Variants in UNC50 observed in about 807,000 individuals in gnomAD.
UNC50 encodes unc-50 inner nuclear membrane RNA binding protein, also known as protein unc-50 homolog.
In UNC50, 24 loss-of-function variants were observed where a neutral mutation model predicts 31.5. The observed-to-expected ratio is 0.76, with a 90% CI of 0.55 to 1.07. The LOEUF (loss-of-function observed/expected upper bound fraction) is 1.07, where lower values mean the gene tolerates loss of function less well. Among genes scored for constraint, UNC50 ranks in the 50% least tolerant of loss-of-function variants. The pLI is 0.00. For synonymous variants in UNC50, 118 were observed against 114.7 expected (o/e 1.03, Z -0.18); for missense variants, 245 against 304.2 (o/e 0.81, Z 1.45).
In UNC50 at chr2:98,608,668, T is replaced by A. The variant is rs571233345; in HGVS notation, c.-63T>A. The A allele has an allele frequency of 1.9e-6, 1 of 533,086 alleles. No individual in the cohort carries two copies. Among genetic ancestry groups the A allele is most frequent in the South Asian group, 2.0e-5 (1 of 49,626 alleles). 33.0% of individuals were successfully genotyped at this position (533,086 alleles called of 1,614,324 possible). The stretch of plus-strand genomic sequence containing the variant: ...CCGCCCGGTGGCGGCTGGGGTCGGC[T>A]GCTGGGAGGAGGTGGTGGGCTGGTT... On this transcript the variant is annotated 5_prime_UTR_variant, in exon 1 of 6. Transcript: ENST00000357765.
intron 3 of UNC50, among the ~76,000 whole-genome samples, chr2:98,612,224 C>T (rs1314786171): frequency 2.0e-5 from 3 of 152,090 alleles, no homozygotes; most frequent in African/African-American, 7.2e-5. Flanking sequence ...GTTCAAATGC[C>T]AACTTAGTTA....
rs138304429 is a variant in UNC50, at chr2:98,611,205, A to C, written c.401+310A>C. ...CCAAAGTTAAGGACATGCCTGTGAC[A>C]CAGCCTTAGGAGGTCCTGATGACAT... On this transcript the variant is annotated intron_variant, in intron 3 of 5. Coordinates refer to ENST00000357765, the MANE Select transcript of UNC50 (RefSeq NM_014044.7). Among the ~76,000 whole-genome samples, 536 of 152,386 alleles carry C rather than the reference A, an allele frequency of 3.5e-3. 2 individuals carry two copies. Among genetic ancestry groups the C allele is most frequent in the Non-Finnish European group, 6.2e-3 (420 of 68,030 alleles).
At chr2:98,610,603 C>A (rs760782673) in intron 2 of UNC50, among the ~76,000 whole-genome samples, 172 bp from the exon 3 acceptor site, 2 of 152,206 alleles carry the variant, frequency 1.3e-5, no homozygotes, top group Non-Finnish European at 2.9e-5. Context: ...CAGGAAACTT[C>A]AACTCTCTCA....
intron 2 of UNC50, 38 bp from the exon 3 acceptor site, chr2:98,610,737 C>G: frequency 6.2e-7 from 1 of 1,609,934 alleles, no homozygotes; most frequent in South Asian, 1.1e-5. Context: ...CAGAACCTAG[C>G]AGAGTCCCTA....
Position 98,616,311 on chromosome 2 carries a change from T to TC in UNC50, c.507dup (p.Ile170HisfsTer86). On this transcript the variant is annotated frameshift_variant, in exon 4 of 6. Coordinates refer to ENST00000357765, the MANE Select transcript of UNC50 (RefSeq NM_014044.7). LOFTEE classifies it high-confidence loss of function. ...CTCAATGCTTTTTATCCACTCCTGGTCATTTTGCATTTTATCCAGCTTTTT... is the reference window on the plus strand; with the variant it reads ...CTCAATGCTTTTTATCCACTCCTGGTCCATTTTGCATTTTATCCAGCTTTTT... The TC allele has an allele frequency of 6.2e-7, 1 of 1,614,150 alleles. No homozygotes were observed. Among genetic ancestry groups the TC allele is most frequent in the Non-Finnish European group, 8.5e-7 (1 of 1,180,002 alleles).
In UNC50 at chr2:98,609,415, G is replaced by C. The variant is rs1575227652; in HGVS notation, c.-4-341G>C. Reference sequence around the variant, plus strand: ...TAAAAGCTTGGTGGTTAAGAGCACGGAATTTCGAGTCAGATTTCCAATCTT... The same window carrying C: ...TAAAAGCTTGGTGGTTAAGAGCACGCAATTTCGAGTCAGATTTCCAATCTT... On this transcript the variant is annotated intron_variant, in intron 1 of 5. Coordinates refer to ENST00000357765, the MANE Select transcript of UNC50 (RefSeq NM_014044.7). The C allele has an allele frequency of 1.1e-5, 4 of 374,972 alleles. No individual in the cohort carries two copies. The East Asian group carries it at 2.1e-4, about 20-fold the overall frequency. 23.2% of individuals were successfully genotyped at this position (374,972 alleles called of 1,614,324 possible).
intron 3 of UNC50, among the ~76,000 whole-genome samples, chr2:98,613,377 A>G (rs1211829179): frequency 6.6e-6 from 1 of 152,232 alleles, no homozygotes; most frequent in Non-Finnish European, 1.5e-5. Flanking sequence ...GCTATAAAGA[A>G]ATATCTGAGA....
chr2:98,610,710 G>GATGT, intron 2 of UNC50, 65 bp from the exon 3 acceptor site: 1 of 1,584,156 alleles, frequency 6.3e-7, no homozygotes, highest in East Asian at 2.3e-5. Context: ...GAGGGCAAGG[G>GATGT]ATGTGTCCTG....
chr2:98,615,907 G>C (rs531661162), intron 3 of UNC50, among the ~76,000 whole-genome samples: 1 of 152,232 alleles, frequency 6.6e-6, no homozygotes, highest in East Asian at 1.9e-4. Flanking sequence ...CCTCAGGCCT[G>C]CCAGGCACCA....
chr2:98,618,017 GT>G (rs1700961920), intron 5 of UNC50, 150 bp from the exon 6 acceptor site: 1 of 840,404 alleles, frequency 1.2e-6, no homozygotes, highest in Non-Finnish European at 1.8e-6. Flanking sequence ...GAGTAGTCTA[GT>G]TCTGGGCATA....
At position 98,610,909 on chromosome 2, in the gene UNC50, C is replaced by A. The variant is rs536737063; in HGVS notation, c.401+14C>A. The A allele has an allele frequency of 6.2e-7, 1 of 1,610,686 alleles. No homozygotes were observed. The highest frequency in any genetic ancestry group is 8.5e-7 in the Non-Finnish European group (1 of 1,178,714). On this transcript the variant is annotated intron_variant, in intron 3 of 5. Transcript: ENST00000357765. ...AACTTTAATGTGGTAAGTACCATAACTTTGGTTTTTCAGATACTGCTGTAG... is the reference window on the plus strand; with the variant it reads ...AACTTTAATGTGGTAAGTACCATAAATTTGGTTTTTCAGATACTGCTGTAG...
At chr2:98,611,940 CTCTT>C (rs1408571230) in intron 3 of UNC50, among the ~76,000 whole-genome samples, 3 of 150,486 alleles carry the variant, frequency 2.0e-5, no homozygotes, top group Non-Finnish European at 1.5e-5. Context: ...AAAATTCTCT[CTCTT>C]TCTCTCATAC....
chr2:98,610,961 A>T, intron 3 of UNC50, 66 bp downstream of exon 3: 1 of 1,520,652 alleles, frequency 6.6e-7, no homozygotes, highest in Non-Finnish European at 8.9e-7. Context: ...CTTCAGAGGT[A>T]CAATAGCAGC....
intron 5 of UNC50, among the ~76,000 whole-genome samples, chr2:98,617,443 G>A (rs1435235218): frequency 1.3e-5 from 2 of 152,196 alleles, no homozygotes; most frequent in Non-Finnish European, 1.5e-5. Flanking sequence ...AATTTTGAAA[G>A]TGTTTTGTGA....
At chr2:98,611,095 T>C (rs995330544) in intron 3 of UNC50, among the ~76,000 whole-genome samples, 200 bp downstream of exon 3, 27 of 152,242 alleles carry the variant, frequency 1.8e-4, no homozygotes, top group Admixed American at 9.8e-4. Flanking sequence ...GTTTATAATA[T>C]TGTCAAATGT....
rs1700795607 is a variant in UNC50, at chr2:98,609,879, C to A, written c.120C>A (p.Arg40=). The change falls in exon 2 of 6, where the codon CGC becomes CGA. Residue 40 remains arginine, a synonymous_variant. Coordinates refer to ENST00000357765, the MANE Select transcript of UNC50 (RefSeq NM_014044.7). ...KRYKYLRRLF[R]FRQMDFEFAA... ...ACAAATATCTGAGAAGGCTTTTCCG[C>A]TTTCGGCAAATGGACTTTGAATTTG... The A allele has an allele frequency of 5.6e-6, 9 of 1,614,228 alleles. No individual in the cohort carries two copies. The highest frequency in any genetic ancestry group is 7.6e-6 in the Non-Finnish European group (9 of 1,180,044).
At chr2:98,617,339 G>C (rs1293529046) in intron 5 of UNC50, among the ~76,000 whole-genome samples, 1 of 152,158 alleles carries the variant, frequency 6.6e-6, no homozygotes, top group East Asian at 1.9e-4. Context: ...CCCCTTGGCT[G>C]GTTTGTCAGG....
Position 98,610,788 on chromosome 2 carries a change from A to G in UNC50, c.294A>G (p.Gly98=). The part of the protein sequence containing the change: ...LSIWLCVSTI[G]FGFVLDMGFF... ...TCTTTCTTTCAGTGTCCACTATAGG[A>G]TTTGGCTTTGTGCTGGACATGGGAT... The change falls in exon 3 of 6, where the codon GGA becomes GGG. Residue 98 remains glycine, a synonymous_variant. Transcript: ENST00000357765. 1 of 1,614,010 alleles carries G rather than the reference A, an allele frequency of 6.2e-7. No homozygotes were observed. Among genetic ancestry groups the G allele is most frequent in the Non-Finnish European group, 8.5e-7 (1 of 1,179,978 alleles).
intron 3 of UNC50, among the ~76,000 whole-genome samples, chr2:98,612,348 C>G (rs1256509142): frequency 6.6e-6 from 1 of 151,616 alleles, no homozygotes; most frequent in Non-Finnish European, 1.5e-5. Flanking sequence ...GTTAAGTGTT[C>G]AATATTTGGT....
Sources: allele counts gnomAD v4.1 joint callset (sites outside exome capture counted in the v4.1 genomes callset), GRCh38; gene constraint gnomAD v4.1.1; transcripts MANE v1.5; gene names NCBI Gene and HGNC (gene_info 2026-07-23, HGNC 2026-07-21).